The following AKAP11 variants were observed in gnomAD, a reference collection of about 807,000 sequenced individuals.
The protein encoded by AKAP11 is A-kinase anchoring protein 11.
Under a neutral mutation model 146.1 loss-of-function variants are expected in AKAP11, and 36 were observed. The observed-to-expected ratio is 0.25, with a 90% CI of 0.19 to 0.33. The LOEUF (loss-of-function observed/expected upper bound fraction) is 0.33. Among genes scored for constraint, AKAP11 ranks in the 10% least tolerant of loss-of-function variants. AKAP11 has a pLI of 1.00. For synonymous variants in AKAP11, 780 were observed against 786.5 expected (o/e 0.99, Z 0.14); for missense variants, 2,201 against 2,197.0 (o/e 1.00, Z -0.04).
chr13:42,274,412 G>A (rs1320710343), intron 1 of AKAP11, among the ~76,000 whole-genome samples: 1 of 152,186 alleles, frequency 6.6e-6, no homozygotes, highest in African/African-American at 2.4e-5. Context: ...GGCCAGGCTT[G>A]GTGCCTTACA....
chr13:42,286,657 T>C (rs2138479842), intron 3 of AKAP11, among the ~76,000 whole-genome samples: 1 of 152,340 alleles, frequency 6.6e-6, no homozygotes, highest in Admixed American at 6.5e-5. Flanking sequence ...TTTTGCAATA[T>C]AGGCTGTCAG....
chr13:42,295,578 T>C, intron 4 of AKAP11, 117 bp from the exon 5 acceptor site: 1 of 941,156 alleles, frequency 1.1e-6, no homozygotes, highest in Non-Finnish European at 1.6e-6. Flanking sequence ...AAAAAAATCC[T>C]TTTCAAGCAG....
In AKAP11 at chr13:42,308,653, A is replaced by G. The variant is rs778496758; in HGVS notation, c.5273+44A>G. ...ATAATTGTGTAGTTTAGGTCCTCAG[A>G]TCTTAGAAGTGAGCTATAAATTTAC... On this transcript the variant is annotated intron_variant, in intron 9 of 12. Coordinates refer to ENST00000025301, the MANE Select transcript of AKAP11 (RefSeq NM_016248.4). 4 of 1,444,368 alleles carry G rather than the reference A, an allele frequency of 2.8e-6. No homozygotes were observed. In the East Asian group the frequency reaches 7.0e-5, roughly 25 times the overall value. 89.5% of individuals were successfully genotyped at this position (1,444,368 alleles called of 1,614,324 possible).
Position 42,303,185 on chromosome 13 carries a change from T to G in AKAP11, c.4439T>G (p.Leu1480Arg). Residue 1480 changes from leucine to arginine, a missense_variant, in exon 8 of 13, where the codon CTA becomes CGA. Leu to Arg is a moderately radical substitution (Grantham distance 102, BLOSUM62 -2). Transcript: ENST00000025301. ...GAGTTGACAGCCTCTCTAGTTGGCCTACCAAAATCCTTAACAGATTCTTGC... is the reference window on the plus strand; with the variant it reads ...GAGTTGACAGCCTCTCTAGTTGGCCGACCAAAATCCTTAACAGATTCTTGC... ...KEELTASLVGLPKSLTDSCLF... is the reference protein window; with the variant it reads ...KEELTASLVGRPKSLTDSCLF... 1 of 1,614,214 alleles carries G rather than the reference T, an allele frequency of 6.2e-7. No individual in the cohort carries two copies. Among genetic ancestry groups the G allele is most frequent in the Non-Finnish European group, 8.5e-7 (1 of 1,180,034 alleles).
chr13:42,295,508 G>A (rs1225582662), intron 4 of AKAP11, among the ~76,000 whole-genome samples, 187 bp from the exon 5 acceptor site: 1 of 151,984 alleles, frequency 6.6e-6, no homozygotes, highest in Non-Finnish European at 1.5e-5. Context: ...AATGGATGAG[G>A]TTTAAGAACT....
intron 8 of AKAP11, among the ~76,000 whole-genome samples, chr13:42,305,758 C>T (rs1211377681): frequency 6.6e-6 from 1 of 152,166 alleles, no homozygotes. Context: ...CATTTTCACA[C>T]TGCTATAAAG....
chr13:42,312,091 T>A (rs762774393), intron 9 of AKAP11, among the ~76,000 whole-genome samples: 9 of 152,328 alleles, frequency 5.9e-5, no homozygotes, highest in Non-Finnish European at 1.2e-4. Flanking sequence ...AATTTTGGTT[T>A]GTATAAATAT....
intron 1 of AKAP11, among the ~76,000 whole-genome samples, chr13:42,284,601 A>G (rs1467337585): frequency 6.6e-6 from 1 of 152,238 alleles, no homozygotes. Context: ...TTTGGTCCTT[A>G]GGTAAATATT....
At chr13:42,278,570 A>G (rs1250737661) in intron 1 of AKAP11, among the ~76,000 whole-genome samples, 1 of 152,042 alleles carries the variant, frequency 6.6e-6, no homozygotes. Context: ...TTTTGTCTCC[A>G]TCTCCCCTGC....
rs1176476714 is a variant in AKAP11, at chr13:42,300,690, A to C, written c.1944A>C (p.Ala648=). 1.1e-5 allele frequency: 17 copies of C among 1,614,008 alleles called. No individual in the cohort carries two copies. The highest frequency in any genetic ancestry group is 1.4e-5 in the Non-Finnish European group (17 of 1,179,962). The change falls in exon 8 of 13, where the codon GCA becomes GCC. Residue 648 remains alanine (A), a synonymous_variant. Transcript: ENST00000025301. The stretch of plus-strand genomic sequence containing the variant: ...CAAACACAGTTGCTAGGTTTGCTGC[A>C]GATCTTGCTGAAGAGCTTGTTTTTG... ...IFTNTVARFA[A]DLAEELVFEG... is the part of the protein sequence containing the mutation.
rs759967446 is a variant in AKAP11, at chr13:42,299,677, T to TGTTCAA, written c.934_939dup (p.Ser312_Ser313dup). On this transcript the variant is annotated inframe_insertion, in exon 8 of 13. Coordinates refer to ENST00000025301, the MANE Select transcript of AKAP11 (RefSeq NM_016248.4). ...TCCTGCCTACTCATCTGAATCAGAA[T>TGTTCAA]GTTCAAGTCCAAGTCCTGTTATTTT... 6.2e-7 allele frequency: 1 copy of TGTTCAA among 1,613,914 alleles called. No individual in the cohort carries two copies. The highest frequency in any genetic ancestry group is 1.1e-5 in the South Asian group (1 of 91,066).
In AKAP11 at chr13:42,320,521, C is replaced by T. The variant is rs371485493; in HGVS notation, c.*1293C>T. 2 of 148,446 alleles carry T rather than the reference C, an allele frequency of 1.3e-5. No individual in the cohort carries two copies. The highest frequency in any genetic ancestry group is 2.5e-5 in the African/African-American group (1 of 40,158). 9.2% of individuals were successfully genotyped at this position (148,446 alleles called of 1,614,324 possible). A position where few individuals can be genotyped will look rare whatever the true frequency, so the allele number is the denominator to read the frequency against. ...TCCTCCCACTCTCTTCCCCCTCCCCCCTCCTCCCACTGTCTCTCACCTCCC... is the reference window on the plus strand; with the variant it reads ...TCCTCCCACTCTCTTCCCCCTCCCCTCTCCTCCCACTGTCTCTCACCTCCC... On this transcript the variant is annotated 3_prime_UTR_variant, in exon 13 of 13. Transcript: ENST00000025301.
chr13:42,276,524 G>A (rs932522754), intron 1 of AKAP11, among the ~76,000 whole-genome samples: 2 of 152,154 alleles, frequency 1.3e-5, no homozygotes, highest in African/African-American at 4.8e-5. Context: ...GGGATTACAG[G>A]TATGCGCCCA....
rs1023504143 is a variant in AKAP11, at chr13:42,322,640, GA to G, written c.*3417del. 2.0e-5 allele frequency: 3 copies of G among 152,262 alleles called. No individual in the cohort carries two copies. Among genetic ancestry groups the G allele is most frequent in the African/African-American group, 7.2e-5 (3 of 41,438 alleles). 9.4% of individuals were successfully genotyped at this position (152,262 alleles called of 1,614,324 possible). On this transcript the variant is annotated 3_prime_UTR_variant, in exon 13 of 13. Transcript: ENST00000025301. ...GAATTAGAGCTTCAGTGAGAATTTA[GA>G]AAAATTATACTAAAGTGAGATGCAT...
chr13:42,323,137 G>A lies in AKAP11; in HGVS notation c.*3909G>A, dbSNP rs1961154960. On this transcript the variant is annotated 3_prime_UTR_variant, in exon 13 of 13. Transcript: ENST00000025301. ...GCACTAAAGTTTTGTTTCAGCAGTGGCTCAAAAAATTTCAGAAATTACTTT... is the reference window on the plus strand; with the variant it reads ...GCACTAAAGTTTTGTTTCAGCAGTGACTCAAAAAATTTCAGAAATTACTTT... The A allele has an allele frequency of 6.6e-6, 1 of 152,618 alleles. No individual in the cohort carries two copies. Among genetic ancestry groups the A allele is most frequent in the Non-Finnish European group, 1.5e-5 (1 of 68,004 alleles). 9.5% of individuals were successfully genotyped at this position (152,618 alleles called of 1,614,324 possible).
Position 42,302,492 on chromosome 13 carries a change from C to G in AKAP11, c.3746C>G (p.Ser1249Ter). 1 of 1,614,160 alleles carries G rather than the reference C, an allele frequency of 6.2e-7. No homozygotes were observed. The highest frequency in any genetic ancestry group is 8.5e-7 in the Non-Finnish European group (1 of 1,180,012). Residue 1249 changes from serine to a stop codon, truncating the protein, a stop_gained, in exon 8 of 13, where the codon TCA becomes TGA. Transcript: ENST00000025301. LOFTEE classifies it high-confidence loss of function. ...RSVSPTFLNP[S>*]DENLKTLCNF... ...GTGTCGCCTACTTTTTTAAACCCCTCAGACGAAAATTTGAAAACATTATGC... is the reference window on the plus strand; with the variant it reads ...GTGTCGCCTACTTTTTTAAACCCCTGAGACGAAAATTTGAAAACATTATGC...
At chr13:42,295,459 T>C (rs1959450387) in intron 4 of AKAP11, among the ~76,000 whole-genome samples, 1 of 152,058 alleles carries the variant, frequency 6.6e-6, no homozygotes. Context: ...TTGAAATATG[T>C]TTTGGGGTTA....
chr13:42,274,153 G>A (rs1009686557), intron 1 of AKAP11, among the ~76,000 whole-genome samples: 52 of 152,260 alleles, frequency 3.4e-4, no homozygotes, highest in African/African-American at 1.2e-3. Context: ...TAGGGTAACT[G>A]ATTTTGTTTT....
intron 9 of AKAP11, among the ~76,000 whole-genome samples, chr13:42,311,814 A>G (rs926634684): frequency 1.3e-5 from 2 of 152,098 alleles, no homozygotes; most frequent in African/African-American, 2.4e-5. Flanking sequence ...TTATCTGACA[A>G]TGAACTACAT....
Sources: allele counts gnomAD v4.1 joint callset (sites outside exome capture counted in the v4.1 genomes callset), GRCh38; gene constraint gnomAD v4.1.1; transcripts MANE v1.5; gene names NCBI Gene and HGNC (gene_info 2026-07-23, HGNC 2026-07-21).